VPS13C: variants seen among roughly 807,000 people sequenced by gnomAD.
VPS13C encodes intermembrane lipid transfer protein VPS13C.
VPS13C carries 358 observed loss-of-function variants against 456.8 expected under a neutral mutation model. That is an observed-to-expected ratio of 0.78 (90% CI 0.72 to 0.86). The LOEUF (loss-of-function observed/expected upper bound fraction) is 0.86, where lower values mean the gene tolerates loss of function less well. Among genes scored for constraint, VPS13C ranks in the 40% least tolerant of loss-of-function variants. The pLI, the probability that VPS13C is intolerant of heterozygous loss-of-function variation, is 0.00. For missense variants in VPS13C, 4,818 were observed against 4,385.4 expected (o/e 1.10, Z -2.79); for synonymous variants, 1,578 against 1,486.7 (o/e 1.06, Z -1.41).
intron 66 of VPS13C, among the ~76,000 whole-genome samples, chr15:61,896,068 C>A (rs1319552985): frequency 6.6e-6 from 1 of 152,082 alleles, no homozygotes; most frequent in African/African-American, 2.4e-5. Context: ...TAAGTACGTA[C>A]AATTGTGTCA....
chr15:61,912,153 A>G (rs2043320280), intron 62 of VPS13C, 149 bp from the exon 63 acceptor site: 2 of 738,598 alleles, frequency 2.7e-6, no homozygotes, highest in South Asian at 5.9e-5. Context: ...GCAAAAGATT[A>G]TCTTCTGAGA....
intron 61 of VPS13C, among the ~76,000 whole-genome samples, chr15:61,914,421 T>C (rs879499199): frequency 1.2e-4 from 18 of 151,684 alleles, no homozygotes; most frequent in Middle Eastern, 3.4e-3. Flanking sequence ...ATACAAAAAT[T>C]AGCACTGTGT....
rs34031918 is a variant in VPS13C at position 61,902,343 on chromosome 15, C to CA, written c.9105+4920dup. 2.0e-3 allele frequency among the ~76,000 whole-genome samples: 304 copies of CA among 149,062 alleles called. 2 individuals are homozygous for CA. Among genetic ancestry groups the CA allele is most frequent in the African/African-American group, 6.8e-3 (275 of 40,466 alleles). ...TAATAACCATTCTACTCCAACTCTT[C>CA]AAAAAAAAAACTGCAGAGCGGGGAA... is the stretch of plus-strand genomic sequence containing the variant. On this transcript the variant is annotated intron_variant, in intron 66 of 84. Coordinates refer to ENST00000644861, the MANE Select transcript of VPS13C (RefSeq NM_020821.3).
intron 18 of VPS13C, among the ~76,000 whole-genome samples, chr15:61,989,651 C>T (rs1403784417): frequency 2.0e-5 from 3 of 152,246 alleles, no homozygotes; most frequent in East Asian, 3.9e-4. Context: ...CCAATACATA[C>T]ATAAAAAGTG....
chr15:61,927,018 T>C, intron 52 of VPS13C, 73 bp downstream of exon 52: 1 of 1,331,454 alleles, frequency 7.5e-7, no homozygotes, highest in Non-Finnish European at 1.1e-6. Flanking sequence ...AGAGCTCTCA[T>C]ATTCTAGGAT....
Position 61,880,794 on chromosome 15 carries a change from T to C in VPS13C, c.9888+49A>G, listed in dbSNP as rs933194690. ...TTAGAATTCGTTCAAAAGAGGCTGA[T>C]TTAAATTTTGTTAATTTTATATTTT... On this transcript the variant is annotated intron_variant, in intron 72 of 84. Transcript: ENST00000644861. The C allele has an allele frequency of 3.2e-6, 5 of 1,557,178 alleles. No individual in the cohort carries two copies. In the African/African-American group the frequency reaches 7.0e-5, roughly 22 times the overall value.
intron 20 of VPS13C, 80 bp downstream of exon 20, chr15:61,983,740 T>A (rs949705228): frequency 7.1e-7 from 1 of 1,408,666 alleles, no homozygotes; most frequent in Non-Finnish European, 9.6e-7. Flanking sequence ...ATGTTAAATA[T>A]GAAAGAGGAG....
intron 66 of VPS13C, among the ~76,000 whole-genome samples, chr15:61,899,420 A>T (rs1031794771): frequency 6.6e-6 from 1 of 151,380 alleles, no homozygotes; most frequent in African/African-American, 2.4e-5. Context: ...GATAAAGGGG[A>T]TATCACCACC....
At chr15:61,935,718 C>A (rs918628663) in intron 48 of VPS13C, 1 of 152,182 alleles carries the variant, frequency 6.6e-6, no homozygotes, top group Non-Finnish European at 1.5e-5. Flanking sequence ...TTAAAACTAT[C>A]CACTTAAACC....
intron 75 of VPS13C, among the ~76,000 whole-genome samples, chr15:61,876,244 G>A (rs1453968300): frequency 6.6e-6 from 1 of 151,896 alleles, no homozygotes; most frequent in African/African-American, 2.4e-5. Context: ...ACCAGTCTGG[G>A]CAACATAGTG....
At position 61,854,974 on chromosome 15, in the gene VPS13C, G is replaced by C; in HGVS notation, c.11077-20C>G. ...CTGTTCCTGTTTCAAAAGAAACAAT[G>C]ACAGAAAAGAAATTATTCTGAGGAA... On this transcript the variant is annotated intron_variant, in intron 83 of 84. Transcript: ENST00000644861. 5 of 1,572,644 alleles carry C rather than the reference G, an allele frequency of 3.2e-6. No individual in the cohort carries two copies. The highest frequency in any genetic ancestry group is 4.3e-6 in the Non-Finnish European group (5 of 1,165,638).
In VPS13C at chr15:62,013,995, A is replaced by G. The variant is rs1432303602; in HGVS notation, c.685-3T>C. On this transcript the variant is annotated splice_polypyrimidine_tract_variant and splice_region_variant and intron_variant, in intron 9 of 84. Coordinates refer to ENST00000644861, the MANE Select transcript of VPS13C (RefSeq NM_020821.3). The stretch of plus-strand genomic sequence containing the variant: ...GGAGTCCAGTGTTCATTTGCAGTCT[A>G]AAAGAAAAAAGGGAATACCTGTGAA... 1.2e-6 allele frequency: 2 copies of G among 1,608,242 alleles called. No individual in the cohort carries two copies. The highest frequency in any genetic ancestry group is 1.3e-5 in the African/African-American group (1 of 74,854).
At chr15:62,007,515 T>C in intron 14 of VPS13C, 36 bp from the exon 15 acceptor site, 1 of 1,504,552 alleles carries the variant, frequency 6.6e-7, no homozygotes, top group Non-Finnish European at 8.9e-7. Context: ...AATGTTAATA[T>C]AAAGGTTTAA....
Position 61,961,617 on chromosome 15 carries a change from C to T in VPS13C, c.3880G>A (p.Val1294Met), listed in dbSNP as rs949896347. ...LNPPVIDRMDVQLTKLTLYRT... is the reference protein window; with the variant it reads ...LNPPVIDRMDMQLTKLTLYRT... ...TAAAGTGTAAGCTTTGTTAGCTGCA[C>T]ATCCATTCTATCAATTACTGGAGGA... Residue 1294 changes from valine to methionine, a missense_variant, in exon 35 of 85, where the codon GTG (valine) becomes ATG (methionine). Physicochemically the swap from Val to Met is conservative, Grantham distance 21 (BLOSUM62 1). Transcript: ENST00000644861. The T allele has an allele frequency of 7.5e-6, 12 of 1,608,746 alleles. No homozygotes were observed. The highest frequency in any genetic ancestry group is 6.7e-5 in the African/African-American group (5 of 74,714).
intron 9 of VPS13C, among the ~76,000 whole-genome samples, chr15:62,018,487 T>C (rs1596484509): frequency 1.3e-5 from 2 of 152,048 alleles, no homozygotes; most frequent in African/African-American, 4.8e-5. Flanking sequence ...TTGAGAGTTT[T>C]TAGCATGAAG....
chr15:61,951,112 A>C, intron 39 of VPS13C, 88 bp from the exon 40 acceptor site: 1 of 803,608 alleles, frequency 1.2e-6, no homozygotes, highest in Non-Finnish European at 2.0e-6. Context: ...ACAAATATAC[A>C]TTTGTCAAAA....
intron 28 of VPS13C, among the ~76,000 whole-genome samples, chr15:61,967,875 C>T (rs1441685445): frequency 6.6e-6 from 1 of 151,850 alleles, no homozygotes; most frequent in Non-Finnish European, 1.5e-5. Flanking sequence ...TCCTTTATAT[C>T]CTGAGGTAGA....
At chr15:61,862,733 GTTAACCT>G (rs1894292712) in intron 82 of VPS13C, among the ~76,000 whole-genome samples, 2 of 152,066 alleles carry the variant, frequency 1.3e-5, no homozygotes, top group African/African-American at 4.8e-5. Context: ...GACATGACTG[GTTAACCT>G]CTCTTATCCT....
In VPS13C at chr15:62,008,714, C is replaced by G; in HGVS notation, c.1059G>C (p.Arg353Ser). ...DLLESVDYMV[R>S]NAPYRKYKPY... The stretch of plus-strand genomic sequence containing the variant: ...GCTTGTATTTCCTATAAGGCGCATT[C>G]CTAACCATATAATCCACTGACTCCA... Residue 353 changes from arginine (R) to serine (S), a missense_variant, in exon 14 of 85, where the codon AGG becomes AGC. Around this residue, in one of 3 missense-constraint regions of VPS13C, gnomAD observed 4,552 missense variants for 4,130.6 expected, o/e 1.10. Transcript: ENST00000644861. 6.2e-7 allele frequency: 1 copy of G among 1,607,878 alleles called. No individual in the cohort carries two copies. The highest frequency in any genetic ancestry group is 1.7e-4 in the Middle Eastern group (1 of 5,940).
Sources: gnomAD v4.1 joint callset for allele counts (sites outside exome capture counted in the v4.1 genomes callset) on GRCh38, gnomAD v4.1.1 for gene constraint, gnomAD v4.1.1 regional missense constraint, MANE v1.5 for transcripts, NCBI Gene and HGNC (gene_info 2026-07-23, HGNC 2026-07-21) for gene names.